The following NSMCE2 variants were observed in gnomAD, a reference collection of about 807,000 sequenced individuals.
NSMCE2 encodes NSE2 SUMO ligase component of SMC5/6 complex, also known as E3 SUMO-protein ligase NSE2.
A neutral mutation model predicts 23.8 loss-of-function variants in NSMCE2; 24 were observed. The ratio of observed to expected loss-of-function variants is 1.01; its 90% CI spans 0.73 to 1.42. NSMCE2 has a LOEUF of 1.42. Among genes scored for constraint, NSMCE2 ranks in the 40% most tolerant of loss-of-function variants. The probability of loss-of-function intolerance (pLI) is 0.00; values close to 1 mark genes in which losing one functional copy is unlikely to be tolerated. For synonymous variants in NSMCE2, 92 were observed against 94.1 expected, an observed-to-expected ratio of 0.98 and a Z score of 0.13; for missense variants, 284 against 296.5, an observed-to-expected ratio of 0.96 and a Z score of 0.31.
At chr8:125,262,137 T>G (rs1436501349) in intron 5 of NSMCE2, among the ~76,000 whole-genome samples, 2 of 136,378 alleles carry the variant, frequency 1.5e-5, no homozygotes, top group African/African-American at 5.2e-5. Flanking sequence ...ATAAAATAAA[T>G]TGTATAGGCC....
intron 4 of NSMCE2, among the ~76,000 whole-genome samples, chr8:125,162,505 C>G (rs576501514): frequency 2.0e-5 from 3 of 151,788 alleles, no homozygotes; most frequent in African/African-American, 7.3e-5. Flanking sequence ...TTTTCTGTGC[C>G]TGCCCACTGA....
intron 3 of NSMCE2, among the ~76,000 whole-genome samples, chr8:125,129,788 T>C (rs1819671495): frequency 6.6e-6 from 1 of 152,156 alleles, no homozygotes; most frequent in African/African-American, 2.4e-5. Context: ...TCTATCCTTT[T>C]TATTTTTTCA....
intron 5 of NSMCE2, among the ~76,000 whole-genome samples, chr8:125,352,211 T>C (rs2131354106): frequency 6.6e-6 from 1 of 152,254 alleles, no homozygotes; most frequent in East Asian, 1.9e-4. Flanking sequence ...CTGGGCGTGG[T>C]GGCTCACGCC....
chr8:125,287,742 G>T, intron 5 of NSMCE2, among the ~76,000 whole-genome samples: 1 of 151,962 alleles, frequency 6.6e-6, no homozygotes, highest in East Asian at 1.9e-4. Flanking sequence ...ACTACCCAGG[G>T]ACCACTTGTT....
At chr8:125,328,582 G>A (rs547640637) in intron 5 of NSMCE2, among the ~76,000 whole-genome samples, 14 of 152,180 alleles carry the variant, frequency 9.2e-5, no homozygotes, top group Non-Finnish European at 2.1e-4. Flanking sequence ...TCTCATGAGA[G>A]CCCAACTCAG....
At chr8:125,119,544 T>G (rs1279116324) in intron 3 of NSMCE2, among the ~76,000 whole-genome samples, 1 of 152,196 alleles carries the variant, frequency 6.6e-6, no homozygotes, top group Non-Finnish European at 1.5e-5. Context: ...AAAATGGAAT[T>G]GGAGTCACTC....
intron 5 of NSMCE2, among the ~76,000 whole-genome samples, chr8:125,332,477 A>G (rs2131301810): frequency 6.6e-6 from 1 of 152,344 alleles, no homozygotes; most frequent in Non-Finnish European, 1.5e-5. Context: ...AGTTGTATCA[A>G]TTAAATGGTG....
At chr8:125,198,583 G>T (rs981646488) in intron 5 of NSMCE2, among the ~76,000 whole-genome samples, 2 of 152,156 alleles carry the variant, frequency 1.3e-5, no homozygotes, top group Non-Finnish European at 2.9e-5. Flanking sequence ...TGCTGGATTC[G>T]ATTTGCCAGT....
chr8:125,319,794 G>A (rs1829351605), intron 5 of NSMCE2, among the ~76,000 whole-genome samples: 1 of 152,170 alleles, frequency 6.6e-6, no homozygotes, highest in Non-Finnish European at 1.5e-5. Flanking sequence ...ATATGTTTTA[G>A]TGAAGTCTGG....
intron 5 of NSMCE2, among the ~76,000 whole-genome samples, chr8:125,214,226 C>T (rs1824477185): frequency 6.6e-6 from 1 of 152,054 alleles, no homozygotes; most frequent in East Asian, 1.9e-4. Context: ...GTTTAGAATA[C>T]CAAGGGTCAA....
chr8:125,245,002 G>A (rs1034267158), intron 5 of NSMCE2, among the ~76,000 whole-genome samples: 1 of 152,184 alleles, frequency 6.6e-6, no homozygotes. Flanking sequence ...ATTGAAATTG[G>A]CCAAGCTCTG....
intron 3 of NSMCE2, among the ~76,000 whole-genome samples, chr8:125,115,151 A>G (rs1307564245): frequency 6.6e-6 from 1 of 152,200 alleles, no homozygotes; most frequent in Non-Finnish European, 1.5e-5. Flanking sequence ...CCAAGTAACT[A>G]AGAAATTTGG....
intron 1 of NSMCE2, among the ~76,000 whole-genome samples, chr8:125,097,206 A>T (rs1045898592): frequency 6.6e-6 from 1 of 152,140 alleles, no homozygotes; most frequent in African/African-American, 2.4e-5. Context: ...AAAGAACACA[A>T]CAAGAACCCT....
chr8:125,231,393 G>A (rs1378807031), intron 5 of NSMCE2, among the ~76,000 whole-genome samples: 1 of 152,184 alleles, frequency 6.6e-6, no homozygotes, highest in Non-Finnish European at 1.5e-5. Flanking sequence ...GTTATTGCAA[G>A]AACAAAGGGA....
intron 5 of NSMCE2, among the ~76,000 whole-genome samples, chr8:125,289,884 T>C (rs1828041776): frequency 2.0e-5 from 3 of 152,238 alleles, no homozygotes; most frequent in Admixed American, 2.0e-4. Flanking sequence ...CAAAGCCTTT[T>C]TGTTTATGAG....
chr8:125,152,607 G>T (rs966972633), intron 4 of NSMCE2, among the ~76,000 whole-genome samples: 1 of 152,130 alleles, frequency 6.6e-6, no homozygotes, highest in South Asian at 2.1e-4. Flanking sequence ...TACTTGATAA[G>T]CCTTTCTATC....
intron 5 of NSMCE2, among the ~76,000 whole-genome samples, chr8:125,333,222 T>TA (rs1444937285): frequency 2.0e-5 from 3 of 151,944 alleles, no homozygotes; most frequent in Non-Finnish European, 4.4e-5. Flanking sequence ...AAGGCTGAAA[T>TA]ACAGTGGCAC....
intron 5 of NSMCE2, among the ~76,000 whole-genome samples, chr8:125,286,998 G>T (rs543241274): frequency 6.6e-6 from 1 of 152,116 alleles, no homozygotes; most frequent in Non-Finnish European, 1.5e-5. Flanking sequence ...CCTCTGTAGG[G>T]TGGTTTTACC....
intron 3 of NSMCE2, among the ~76,000 whole-genome samples, chr8:125,105,120 G>A (rs946397697): frequency 6.6e-6 from 1 of 152,116 alleles, no homozygotes; most frequent in African/African-American, 2.4e-5. Flanking sequence ...GTCCTGTCCC[G>A]CCTTTGTCCT....
Sources: gnomAD v4.1 joint callset for allele counts (sites outside exome capture counted in the v4.1 genomes callset) on GRCh38, gnomAD v4.1.1 for gene constraint, MANE v1.5 for transcripts, NCBI Gene and HGNC (gene_info 2026-07-23, HGNC 2026-07-21) for gene names.